The following MID1 variants were observed in gnomAD, a reference collection of about 807,000 sequenced individuals.
The protein encoded by MID1 is midline 1.
In MID1, 7 loss-of-function variants were observed where a neutral mutation model predicts 40.4. The observed-to-expected ratio is 0.17, with a 90% CI of 0.10 to 0.33. The LOEUF (loss-of-function observed/expected upper bound fraction) is 0.33, where lower values mean the gene tolerates loss of function less well. Ranked by LOEUF, MID1 falls within the 10% of genes least tolerant of loss-of-function variation. MID1 has a pLI of 1.00. For synonymous variants in MID1, 229 were observed against 221.2 expected (o/e 1.04, Z -0.31); for missense variants, 367 against 558.5 (o/e 0.66, Z 3.46).
At chrX:10,525,308 T>A (rs1447373042) in intron 2 of MID1, among the ~76,000 whole-genome samples, 1 of 112,311 alleles carries the variant, frequency 8.9e-6, no homozygotes, top group East Asian at 2.8e-4. Flanking sequence ...TCCTATTGAC[T>A]GATTTTAAAA....
chrX:10,805,050 T>TTTG lies in MID1; in HGVS notation c.-187+28501_-187+28503dup, dbSNP rs907690686. Among the ~76,000 whole-genome samples the TTTG allele has an allele frequency of 2.2e-3, 248 of 110,572 alleles. 1 individual carries two copies. The highest frequency in any genetic ancestry group is 4.6e-3 in the Middle Eastern group (1 of 218). On this transcript the variant is annotated intron_variant, in intron 1 of 10. Coordinates refer to the MID1 transcript ENST00000380785. The stretch of plus-strand genomic sequence containing the variant: ...GAAATTAGGCTCCCAGTAGTTTTTT[T>TTTG]TTGTTGTTGTTGTTGTTAATTTTAT...
At chrX:10,445,370 G>A (rs1030280210), downstream of MID1, 1 of 112,283 alleles carries the variant, frequency 8.9e-6, no homozygotes, top group African/African-American at 3.2e-5. Context: ...TATTTTGAGT[G>A]TTGCAAAAGA....
intron 1 of MID1, among the ~76,000 whole-genome samples, chrX:10,613,766 G>GAGAGACAGAC (rs1555910257): frequency 1.3e-5 from 1 of 75,806 alleles, no homozygotes; most frequent in African/African-American, 6.2e-5. Context: ...GAGAGAGAGA[G>GAGAGACAGAC]AGACAGACAG....
At chrX:10,659,083 A>T (rs184132391) in intron 1 of MID1, among the ~76,000 whole-genome samples, 9 of 111,754 alleles carry the variant, frequency 8.1e-5, no homozygotes, top group Non-Finnish European at 1.5e-4. Flanking sequence ...GCACAAATCA[A>T]TGTAGCAATG....
intron 1 of MID1, among the ~76,000 whole-genome samples, chrX:10,675,023 T>A (rs776379131): frequency 8.9e-6 from 1 of 112,590 alleles, no homozygotes; most frequent in South Asian, 3.7e-4. Context: ...ACCTATAGTT[T>A]AAATAACCTG....
intron 1 of MID1, among the ~76,000 whole-genome samples, chrX:10,704,737 T>C (rs865792753): frequency 0.055 from 4,768 of 86,447 alleles, 275 homozygotes; most frequent in African/African-American, 0.16. Context: ...TATATATATA[T>C]ATACACACAC....
At chrX:10,816,658 A>C (rs2044137781) in intron 1 of MID1, among the ~76,000 whole-genome samples, 1 of 112,387 alleles carries the variant, frequency 8.9e-6, no homozygotes, top group African/African-American at 3.2e-5. Flanking sequence ...GCACAACAAC[A>C]ACCAACTAAA....
At chrX:10,794,271 C>T (rs1377361246) in intron 1 of MID1, among the ~76,000 whole-genome samples, 1 of 111,736 alleles carries the variant, frequency 8.9e-6, no homozygotes, top group Non-Finnish European at 1.9e-5. Flanking sequence ...TACAACTGTC[C>T]CCACCCCCAA....
At chrX:10,558,214 G>C (rs765357659) in intron 2 of MID1, among the ~76,000 whole-genome samples, 2 of 111,371 alleles carry the variant, frequency 1.8e-5, no homozygotes, top group African/African-American at 3.3e-5. Context: ...TTGGCACCCT[G>C]TGCTCTAGTT....
intron 1 of MID1, among the ~76,000 whole-genome samples, chrX:10,671,479 G>A (rs1266249803): frequency 1.8e-5 from 2 of 111,900 alleles, no homozygotes; most frequent in Admixed American, 9.5e-5. Flanking sequence ...GTGAATATGA[G>A]TTATTCCTAT....
At position 10,789,189 on chromosome X, in the gene MID1, T is replaced by TATAA. The variant is rs1259290349; in HGVS notation, c.-187+44361_-187+44364dup. On this transcript the variant is annotated intron_variant, in intron 1 of 10. Transcript: ENST00000380785. ...GCCCGGGTGACAGACCAAGACCCTG[T>TATAA]ATAAATAAATAAATAAATAAATAAA... Among the ~76,000 whole-genome samples the TATAA allele has an allele frequency of 4.2e-3, 462 of 108,710 alleles. 2 individuals are homozygous for TATAA. The highest frequency in any genetic ancestry group is 5.7e-3 in the Admixed American group (56 of 9,767). 94.4% of individuals were successfully genotyped at this position (108,710 alleles called of 115,157 possible).
At chrX:10,666,405 G>GAAAAA (rs1491374074) in intron 1 of MID1, among the ~76,000 whole-genome samples, 1 of 35,721 alleles carries the variant, frequency 2.8e-5, no homozygotes, top group Non-Finnish European at 4.7e-5. Context: ...TTGATAAACT[G>GAAAAA]CAAAAAAAAA....
intron 1 of MID1, among the ~76,000 whole-genome samples, chrX:10,656,393 C>T (rs1320850412): frequency 8.9e-6 from 1 of 112,016 alleles, no homozygotes; most frequent in Non-Finnish European, 1.9e-5. Flanking sequence ...CTTCCTATGG[C>T]CTTTTGCCAA....
intron 1 of MID1, among the ~76,000 whole-genome samples, chrX:10,636,785 G>GACATATAT (rs757390504): frequency 4.7e-5 from 2 of 42,719 alleles, no homozygotes; most frequent in African/African-American, 1.2e-4. Context: ...CAACAATGGG[G>GACATATAT]ATATATATAT....
chrX:10,548,519 G>A (rs185565159), intron 2 of MID1, among the ~76,000 whole-genome samples: 14 of 112,070 alleles, frequency 1.2e-4, no homozygotes, highest in Admixed American at 3.8e-4. Flanking sequence ...CACTTTTATT[G>A]AATGTGTTAT....
chrX:10,831,901 G>A (rs190074894), intron 1 of MID1, among the ~76,000 whole-genome samples: 6 of 112,414 alleles, frequency 5.3e-5, no homozygotes, highest in Admixed American at 9.4e-5. Flanking sequence ...AACGGCAGAC[G>A]TGCTGGCTGA....
chrX:10,792,167 C>A (rs983214682), intron 1 of MID1, among the ~76,000 whole-genome samples: 1 of 111,812 alleles, frequency 8.9e-6, no homozygotes, highest in Non-Finnish European at 1.9e-5. Flanking sequence ...AATGTAAAAC[C>A]AGACATAGAC....
intron 1 of MID1, among the ~76,000 whole-genome samples, chrX:10,783,889 A>T (rs200175421): frequency 3.8e-3 from 398 of 104,285 alleles, no homozygotes; most frequent in Middle Eastern, 9.8e-3. Context: ...TCTTTTTTTT[A>T]AAAAAAAAAA....
In MID1 at chrX:10,459,510, C is replaced by T; in HGVS notation, c.1447+136G>A. The T allele has an allele frequency of 4.4e-6, 3 of 683,324 alleles. No homozygotes were observed. The African/African-American group carries it at 6.3e-5, about 14-fold the overall frequency. The allele number at this position is 683,324 out of a possible 1,213,427, so 56.3% of individuals were successfully genotyped here. The stretch of plus-strand genomic sequence containing the variant: ...GGTATCTGATGCAAATTCCATTATT[C>T]CACACTGGCTTTTTACTTGTTTTGG... On this transcript the variant is annotated intron_variant, in intron 8 of 9. Transcript: ENST00000317552.
Sources: allele counts gnomAD v4.1 joint callset (sites outside exome capture counted in the v4.1 genomes callset), GRCh38; gene constraint gnomAD v4.1.1; transcripts MANE v1.5; gene names NCBI Gene and HGNC (gene_info 2026-07-23, HGNC 2026-07-21).